Variants in EPHA7 observed in about 807,000 individuals in gnomAD.
The protein encoded by EPHA7 is EPH receptor A7, also known as ephrin type-A receptor 7.
Under a neutral mutation model 112.6 loss-of-function variants are expected in EPHA7, and 25 were observed. The observed-to-expected ratio is 0.22, with a 90% CI of 0.16 to 0.31. The LOEUF is 0.31. Among genes scored for constraint, EPHA7 ranks in the 10% least tolerant of loss-of-function variants. The probability of loss-of-function intolerance (pLI) is 1.00; values close to 1 mark genes in which losing one functional copy is unlikely to be tolerated. For synonymous variants in EPHA7, 437 were observed against 406.5 expected, an observed-to-expected ratio of 1.07 and a Z score of -0.90; for missense variants, 962 against 1,212.6, an observed-to-expected ratio of 0.79 and a Z score of 3.07.
chr6:93,336,397 A>C (rs1338083978), intron 5 of EPHA7, among the ~76,000 whole-genome samples: 3 of 152,060 alleles, frequency 2.0e-5, no homozygotes, highest in Non-Finnish European at 4.4e-5. Context: ...AAAGCCTTTT[A>C]CACTTTGTTG....
Position 93,358,421 on chromosome 6 carries a change from C to A in EPHA7, c.833-10G>T, listed in dbSNP as rs1235609189. On this transcript the variant is annotated splice_polypyrimidine_tract_variant and intron_variant, in intron 3 of 16. Transcript: ENST00000369303. ...AACCCACGGCCACAGGCTGGGAATG[C>A]AAAAGAAAGCAAAAATTGAGACATG... 5.7e-6 allele frequency: 9 copies of A among 1,572,968 alleles called. No individual in the cohort carries two copies. Among genetic ancestry groups the A allele is most frequent in the Middle Eastern group, 1.7e-4 (1 of 5,784 alleles).
intron 5 of EPHA7, among the ~76,000 whole-genome samples, chr6:93,305,775 A>G (rs1487837680): frequency 1.3e-5 from 2 of 151,950 alleles, no homozygotes; most frequent in East Asian, 3.9e-4. Context: ...TACCTCTACT[A>G]GAGCCACCTT....
At chr6:93,254,028 C>G (rs555960964) in intron 14 of EPHA7, among the ~76,000 whole-genome samples, 10 of 152,018 alleles carry the variant, frequency 6.6e-5, no homozygotes, top group African/African-American at 2.4e-4. Flanking sequence ...CAACGGAAAA[C>G]AGTATGTTTT....
intron 5 of EPHA7, among the ~76,000 whole-genome samples, chr6:93,310,984 G>C (rs1156998543): frequency 3.3e-5 from 5 of 151,314 alleles, no homozygotes; most frequent in Non-Finnish European, 2.9e-5. Context: ...TTTTTGTTTT[G>C]TTTTTTGAGT....
intron 5 of EPHA7, among the ~76,000 whole-genome samples, chr6:93,352,922 C>T (rs1165210882): frequency 6.6e-6 from 1 of 152,010 alleles, no homozygotes; most frequent in Non-Finnish European, 1.5e-5. Context: ...ACAACACACA[C>T]TGGGGCCTAC....
chr6:93,339,786 A>G (rs185138306), intron 5 of EPHA7, among the ~76,000 whole-genome samples: 1 of 151,978 alleles, frequency 6.6e-6, no homozygotes, highest in African/African-American at 2.4e-5. Context: ...CAATACATTG[A>G]AAAAACATAT....
At chr6:93,249,723 G>A (rs561148301) in intron 14 of EPHA7, among the ~76,000 whole-genome samples, 3 of 152,074 alleles carry the variant, frequency 2.0e-5, no homozygotes, top group African/African-American at 7.2e-5. Flanking sequence ...AATGTAAGTC[G>A]AGTGATCTTT....
At chr6:93,280,779 A>G (rs537294933) in intron 5 of EPHA7, among the ~76,000 whole-genome samples, 9 of 152,272 alleles carry the variant, frequency 5.9e-5, no homozygotes, top group Admixed American at 6.5e-5. Context: ...TAAATGTTAA[A>G]TATTTAAAAT....
At chr6:93,358,707 C>T (rs938452085) in intron 3 of EPHA7, among the ~76,000 whole-genome samples, 3 of 152,274 alleles carry the variant, frequency 2.0e-5, no homozygotes, top group South Asian at 2.1e-4. Flanking sequence ...AACCTTAGAA[C>T]ATTTAATTCC....
chr6:93,395,748 A>C (rs1479042342), intron 3 of EPHA7, among the ~76,000 whole-genome samples: 1 of 151,846 alleles, frequency 6.6e-6, no homozygotes, highest in Non-Finnish European at 1.5e-5. Context: ...TGGTGTCAAC[A>C]GAAGAGGCTT....
chr6:93,356,494 C>T (rs143779082), intron 5 of EPHA7, among the ~76,000 whole-genome samples: 39 of 152,198 alleles, frequency 2.6e-4, no homozygotes, highest in Middle Eastern at 3.4e-3. Flanking sequence ...TGAGCCACCG[C>T]GCCTGGCCAA....
At position 93,259,461 on chromosome 6, in the gene EPHA7, T is replaced by TTGG. The variant is rs771936415; in HGVS notation, c.1814_1816dup (p.Thr605dup). 1.2e-5 allele frequency: 19 copies of TTGG among 1,611,522 alleles called. No individual in the cohort carries two copies. Among genetic ancestry groups the TTGG allele is most frequent in the Non-Finnish European group, 1.5e-5 (18 of 1,178,176 alleles). Reference sequence around the variant, plus strand: ...ATAGGTTTCAGGGTCAATGTAGGTTTTGGTGCCTGGAAATTTAACTGTAAT... The same window carrying TTGG: ...ATAGGTTTCAGGGTCAATGTAGGTTTTGGTGGTGCCTGGAAATTTAACTGTAAT... On this transcript the variant is annotated inframe_insertion, in exon 10 of 17. Transcript: ENST00000369303.
chr6:93,319,943 C>G (rs959076903), intron 5 of EPHA7, among the ~76,000 whole-genome samples: 4 of 151,912 alleles, frequency 2.6e-5, no homozygotes, highest in African/African-American at 9.7e-5. Flanking sequence ...TTTTCAATTT[C>G]TGTGGTAAGC....
At chr6:93,345,272 T>C (rs1775344377) in intron 5 of EPHA7, among the ~76,000 whole-genome samples, 1 of 151,730 alleles carries the variant, frequency 6.6e-6, no homozygotes, top group African/African-American at 2.4e-5. Context: ...TGCATCTTTC[T>C]ATATGCTGAA....
At chr6:93,330,693 G>A (rs140940919) in intron 5 of EPHA7, among the ~76,000 whole-genome samples, 5 of 151,252 alleles carry the variant, frequency 3.3e-5, no homozygotes, top group East Asian at 3.9e-4. Flanking sequence ...CCTGTTGATC[G>A]ATACTTAGGT....
intron 5 of EPHA7, among the ~76,000 whole-genome samples, chr6:93,315,144 G>A (rs1203601596): frequency 1.3e-5 from 2 of 150,200 alleles, no homozygotes; most frequent in Non-Finnish European, 2.9e-5. Flanking sequence ...TTACAGGCGT[G>A]AGCCACCGCG....
intron 3 of EPHA7, among the ~76,000 whole-genome samples, chr6:93,387,983 G>GA (rs1320069865): frequency 6.6e-5 from 10 of 151,046 alleles, no homozygotes; most frequent in African/African-American, 1.7e-4. Flanking sequence ...AGATAGAATA[G>GA]ATAGATAGAC....
At chr6:93,316,304 AAC>A (rs1378970163) in intron 5 of EPHA7, among the ~76,000 whole-genome samples, 4 of 152,144 alleles carry the variant, frequency 2.6e-5, no homozygotes, top group Admixed American at 1.3e-4. Flanking sequence ...CTAACTTCCT[AAC>A]AGTGTTTAAA....
rs555985476 is a variant in EPHA7 at position 93,380,409 on chromosome 6, A to G, written c.833-21998T>C. On this transcript the variant is annotated intron_variant, in intron 3 of 16. Transcript: ENST00000369303. ...ACCAGGCATTTTAATCCATTTTTAT[A>G]AAGAACAAGAGGTATAAAGAGTTGA... is the stretch of plus-strand genomic sequence containing the variant. Among the ~76,000 whole-genome samples, 142 of 152,276 alleles carry G rather than the reference A, an allele frequency of 9.3e-4. 1 individual carries two copies. The highest frequency in any genetic ancestry group is 1.9e-3 in the Non-Finnish European group (129 of 67,976).
Sources: gnomAD v4.1 joint callset for allele counts (sites outside exome capture counted in the v4.1 genomes callset) on GRCh38, gnomAD v4.1.1 for gene constraint, MANE v1.5 for transcripts, NCBI Gene and HGNC (gene_info 2026-07-23, HGNC 2026-07-21) for gene names.